ZFPM2: variants seen among roughly 807,000 people sequenced by gnomAD.
ZFPM2 encodes the protein zinc finger protein, FOG family member 2.
Under a neutral mutation model 98.6 loss-of-function variants are expected in ZFPM2, and 20 were observed. That is an observed-to-expected ratio of 0.20 (90% CI 0.14 to 0.29). The LOEUF (loss-of-function observed/expected upper bound fraction) is 0.29, where lower values mean the gene tolerates loss of function less well. ZFPM2 is among the 10% of genes least tolerant of loss of function. The pLI is 1.00. For missense variants in ZFPM2, 1,310 were observed against 1,388.6 expected (o/e 0.94, Z 0.90); for synonymous variants, 518 against 502.7 (o/e 1.03, Z -0.41).
chr8:105,619,877 C>G (rs1435016469), intron 4 of ZFPM2, among the ~76,000 whole-genome samples: 1 of 152,134 alleles, frequency 6.6e-6, no homozygotes, highest in African/African-American at 2.4e-5. Flanking sequence ...TTTTTTATGG[C>G]TGCATAGTAT....
chr8:105,553,301 A>C (rs1213490057), intron 3 of ZFPM2, among the ~76,000 whole-genome samples: 19 of 152,208 alleles, frequency 1.2e-4, no homozygotes, highest in Admixed American at 1.2e-3. Flanking sequence ...ATAATAAGGT[A>C]AAAGGTTCCT....
chr8:105,524,285 G>A (rs1467942634), intron 3 of ZFPM2, among the ~76,000 whole-genome samples: 2 of 152,086 alleles, frequency 1.3e-5, no homozygotes, highest in Non-Finnish European at 1.5e-5. Flanking sequence ...TCTGTAAGAG[G>A]AGAAGGTCTT....
intron 1 of ZFPM2, among the ~76,000 whole-genome samples, chr8:105,389,083 G>C (rs1811058422): frequency 6.8e-6 from 1 of 147,718 alleles, no homozygotes; most frequent in Non-Finnish European, 1.5e-5. Flanking sequence ...GAGACGAATA[G>C]ATACTCTGAC....
At chr8:105,635,647 T>G (rs1816833292) in intron 5 of ZFPM2, among the ~76,000 whole-genome samples, 4 of 152,134 alleles carry the variant, frequency 2.6e-5, no homozygotes, top group Admixed American at 6.6e-5. Flanking sequence ...AAAGAAATGG[T>G]ATAGGGAATC....
intron 4 of ZFPM2, among the ~76,000 whole-genome samples, chr8:105,589,631 A>G (rs1369346701): frequency 1.3e-5 from 2 of 152,146 alleles, no homozygotes; most frequent in African/African-American, 4.8e-5. Flanking sequence ...GGTTTCCCCC[A>G]CAAAACACAT....
intron 5 of ZFPM2, among the ~76,000 whole-genome samples, chr8:105,703,473 C>T (rs1048448729): frequency 2.0e-5 from 3 of 152,044 alleles, no homozygotes; most frequent in African/African-American, 7.2e-5. Context: ...AAGGGAAGGG[C>T]AATCGAGGTA....
At chr8:105,796,552 A>ATACTT (rs1554582497) in intron 6 of ZFPM2, among the ~76,000 whole-genome samples, 2 of 152,202 alleles carry the variant, frequency 1.3e-5, no homozygotes, top group African/African-American at 4.8e-5. Flanking sequence ...CTCTATTATT[A>ATACTT]TACTTACTAT....
chr8:105,747,592 T>C (rs2131045620), intron 5 of ZFPM2, among the ~76,000 whole-genome samples: 1 of 152,210 alleles, frequency 6.6e-6, no homozygotes, highest in Middle Eastern at 3.4e-3. Context: ...CCATATTTTT[T>C]ATACTTCCTT....
chr8:105,460,240 C>T (rs1264445240), intron 3 of ZFPM2, among the ~76,000 whole-genome samples: 2 of 152,116 alleles, frequency 1.3e-5, no homozygotes, highest in Admixed American at 1.3e-4. Flanking sequence ...AGCTGGGACT[C>T]CAGTGGCCTA....
chr8:105,767,875 GAAA>G (rs768627575), intron 5 of ZFPM2, among the ~76,000 whole-genome samples: 15 of 151,766 alleles, frequency 9.9e-5, no homozygotes, highest in Non-Finnish European at 2.1e-4. Context: ...TTAGATGTTT[GAAA>G]AAACCCTATT....
At chr8:105,776,177 C>G (rs1455019579) in intron 5 of ZFPM2, among the ~76,000 whole-genome samples, 1 of 151,858 alleles carries the variant, frequency 6.6e-6, no homozygotes, top group East Asian at 1.9e-4. Flanking sequence ...CAGAGAATGC[C>G]CTCTTTGAGA....
At chr8:105,624,024 G>T (rs936257804) in intron 4 of ZFPM2, among the ~76,000 whole-genome samples, 1 of 152,000 alleles carries the variant, frequency 6.6e-6, no homozygotes, top group Non-Finnish European at 1.5e-5. Context: ...GATTTGATGG[G>T]AATTCTACAG....
intron 1 of ZFPM2, among the ~76,000 whole-genome samples, chr8:105,411,619 TA>T (rs1310157219): frequency 1.3e-5 from 2 of 151,970 alleles, no homozygotes; most frequent in Non-Finnish European, 2.9e-5. Flanking sequence ...CTCAATCATA[TA>T]AAAATATATC....
intron 1 of ZFPM2, among the ~76,000 whole-genome samples, chr8:105,386,914 G>A (rs1318288343): frequency 8.5e-5 from 13 of 152,072 alleles, no homozygotes; most frequent in South Asian, 2.1e-4. Flanking sequence ...AGTTCTCCAC[G>A]TCCCCACCAG....
At chr8:105,452,930 G>T (rs541876153) in intron 3 of ZFPM2, among the ~76,000 whole-genome samples, 226 of 152,240 alleles carry the variant, frequency 1.5e-3, no homozygotes, top group African/African-American at 5.2e-3. Flanking sequence ...AAAGAAAGAA[G>T]TAAACCTGTT....
At position 105,409,716 on chromosome 8, in the gene ZFPM2, G is replaced by T. The variant is rs183679812; in HGVS notation, c.41-9428G>T. ...ATAGCATTTGTATTCCAGCACAGTT[G>T]TTCTCAAACTTGAGCATACATCAGA... On this transcript the variant is annotated intron_variant, in intron 1 of 7. Transcript: ENST00000407775. Among the ~76,000 whole-genome samples, 522 of 152,012 alleles carry T rather than the reference G, an allele frequency of 3.4e-3. 2 individuals are homozygous for T. The highest frequency in any genetic ancestry group is 0.012 in the African/African-American group (504 of 41,526).
chr8:105,655,808 T>C (rs1035600044), intron 5 of ZFPM2, among the ~76,000 whole-genome samples: 2 of 152,172 alleles, frequency 1.3e-5, no homozygotes, highest in African/African-American at 4.8e-5. Context: ...ACAAATATCC[T>C]CTAAAAGCAT....
intron 3 of ZFPM2, among the ~76,000 whole-genome samples, chr8:105,511,453 C>G (rs578147311): frequency 6.6e-6 from 1 of 152,294 alleles, no homozygotes; most frequent in African/African-American, 2.4e-5. Context: ...CAGCTCTTCA[C>G]CTAGATGGGG....
chr8:105,653,670 C>T (rs972764698), intron 5 of ZFPM2, among the ~76,000 whole-genome samples: 29 of 152,192 alleles, frequency 1.9e-4, no homozygotes, highest in Non-Finnish European at 2.8e-4. Flanking sequence ...AAAAGGTACA[C>T]TGTGGGATAG....
Sources: allele counts gnomAD v4.1 joint callset (sites outside exome capture counted in the v4.1 genomes callset), GRCh38; gene constraint gnomAD v4.1.1; transcripts MANE v1.5; gene names NCBI Gene and HGNC (gene_info 2026-07-23, HGNC 2026-07-21).